LRBA: variants seen among roughly 807,000 people sequenced by gnomAD.
LRBA encodes the protein lipopolysaccharide-responsive and beige-like anchor protein.
A neutral mutation model predicts 330.0 loss-of-function variants in LRBA; 176 were observed. The ratio of observed to expected loss-of-function variants is 0.53; its 90% confidence interval spans 0.47 to 0.60. The LOEUF is 0.60. Ranked by LOEUF, LRBA falls within the 20% of genes least tolerant of loss-of-function variation. LRBA has a pLI of 0.00. For missense variants in LRBA, 3,259 were observed against 3,444.8 expected, an observed-to-expected ratio of 0.95 and a Z score of 1.35; for synonymous variants, 1,230 against 1,193.0, an observed-to-expected ratio of 1.03 and a Z score of -0.64.
chr4:150,438,903 T>C (rs546107054), intron 44 of LRBA, among the ~76,000 whole-genome samples: 62 of 152,282 alleles, frequency 4.1e-4, no homozygotes, highest in African/African-American at 1.5e-3. Flanking sequence ...TTTAAAAATC[T>C]TTAATTACCA....
chr4:150,315,294 G>A, intron 51 of LRBA: 1 of 524,444 alleles, frequency 1.9e-6, no homozygotes. Context: ...AGTACTTCAT[G>A]CGCATTCTCA....
intron 49 of LRBA, among the ~76,000 whole-genome samples, chr4:150,325,512 C>T (rs1324099003): frequency 1.3e-5 from 2 of 152,096 alleles, no homozygotes. Flanking sequence ...GTCATCAACC[C>T]TATGTCTGGA....
At chr4:150,878,376 CTAA>C (rs774368343) in intron 17 of LRBA, among the ~76,000 whole-genome samples, 17 of 151,760 alleles carry the variant, frequency 1.1e-4, no homozygotes, top group Non-Finnish European at 2.1e-4. Flanking sequence ...CACTAATGGC[CTAA>C]GTCAAAAAGC....
At chr4:150,825,139 A>T (rs1746038335) in intron 30 of LRBA, among the ~76,000 whole-genome samples, 1 of 152,180 alleles carries the variant, frequency 6.6e-6, no homozygotes. Flanking sequence ...ACTTACAAAC[A>T]CAAACACTTA....
intron 56 of LRBA, among the ~76,000 whole-genome samples, chr4:150,268,189 A>G (rs1009683748): frequency 1.3e-5 from 2 of 152,364 alleles, no homozygotes; most frequent in East Asian, 3.9e-4. Flanking sequence ...GGCAACCTAG[A>G]TGAAATAGAC....
intron 28 of LRBA, 27 bp downstream of exon 28, chr4:150,844,073 G>T (rs1444697226): frequency 1.5e-6 from 2 of 1,344,686 alleles, no homozygotes; most frequent in Non-Finnish European, 2.1e-6. Context: ...AGTTAAGAGA[G>T]TATGTGAAAG....
intron 35 of LRBA, among the ~76,000 whole-genome samples, chr4:150,744,066 T>C (rs1732374018): frequency 1.3e-5 from 2 of 152,098 alleles, no homozygotes; most frequent in African/African-American, 4.8e-5. Flanking sequence ...ATCAGGGTAT[T>C]TTTTTTCAAA....
chr4:150,411,056 A>C (rs1746924649), intron 47 of LRBA, among the ~76,000 whole-genome samples: 1 of 152,160 alleles, frequency 6.6e-6, no homozygotes, highest in South Asian at 2.1e-4. Flanking sequence ...TTCCTAGTTC[A>C]GGTAATAGTA....
At chr4:150,337,259 T>A (rs1452453860) in intron 48 of LRBA, among the ~76,000 whole-genome samples, 2 of 152,186 alleles carry the variant, frequency 1.3e-5, no homozygotes, top group African/African-American at 4.8e-5. Flanking sequence ...CAGGGGTTCA[T>A]GACAAAAGTC....
At chr4:150,383,551 A>G (rs1581167343) in intron 47 of LRBA, among the ~76,000 whole-genome samples, 1 of 152,142 alleles carries the variant, frequency 6.6e-6, no homozygotes, top group Non-Finnish European at 1.5e-5. Context: ...CTGCACCCCC[A>G]ATTTTGTATA....
chr4:150,854,044 T>C (rs1156649612), intron 22 of LRBA, among the ~76,000 whole-genome samples: 4 of 152,114 alleles, frequency 2.6e-5, no homozygotes, highest in Non-Finnish European at 4.4e-5. Context: ...CACAAGAGTA[T>C]ACACACAGAT....
At chr4:150,325,480 C>T (rs1733122870) in intron 49 of LRBA, among the ~76,000 whole-genome samples, 1 of 152,108 alleles carries the variant, frequency 6.6e-6, no homozygotes, top group African/African-American at 2.4e-5. Flanking sequence ...AATCTAGAAA[C>T]TCAGAGAATC....
At chr4:150,496,997 T>C (rs962750053) in intron 40 of LRBA, among the ~76,000 whole-genome samples, 5 of 151,956 alleles carry the variant, frequency 3.3e-5, no homozygotes, top group Non-Finnish European at 7.4e-5. Context: ...CACTTTAATA[T>C]GGAAAAACTA....
At chr4:150,559,875 TTA>T (rs1647204200) in intron 40 of LRBA, among the ~76,000 whole-genome samples, 1 of 18,726 alleles carries the variant, frequency 5.3e-5, no homozygotes, top group East Asian at 1.2e-3. Flanking sequence ...TAATATATAA[TTA>T]TATATAATTA....
In LRBA at chr4:150,577,420, TA is replaced by T. The variant is rs35865758; in HGVS notation, c.6330+10627del. On this transcript the variant is annotated intron_variant, in intron 40 of 56. Transcript: ENST00000651943. The stretch of plus-strand genomic sequence containing the variant: ...AAATAAAAATCAATGTTCATTTTTT[TA>T]AAAAAAAAAAGCATTTTCATAAGTA... 3.9e-3 allele frequency among the ~76,000 whole-genome samples: 581 copies of T among 148,920 alleles called. 7 individuals are homozygous for T. The highest frequency in any genetic ancestry group is 0.011 in the African/African-American group (439 of 40,718).
chr4:150,725,568 T>C (rs1200704226), intron 36 of LRBA, among the ~76,000 whole-genome samples: 1 of 152,206 alleles, frequency 6.6e-6, no homozygotes, highest in South Asian at 2.1e-4. Context: ...ACCAGGCGTG[T>C]CCTAAAAGAA....
chr4:150,907,615 TTCAAAATGAGAGAA>T (rs1316297528), intron 11 of LRBA, among the ~76,000 whole-genome samples: 2 of 152,040 alleles, frequency 1.3e-5, no homozygotes, highest in Non-Finnish European at 2.9e-5. Flanking sequence ...AAGGGAGAAT[TTCAAAATGAGAGAA>T]TGTAAAAGTA....
chr4:150,662,659 T>A (rs1196894932), intron 37 of LRBA, among the ~76,000 whole-genome samples: 1 of 152,126 alleles, frequency 6.6e-6, no homozygotes, highest in Non-Finnish European at 1.5e-5. Context: ...AAGATGAGTA[T>A]ATTTCACTCC....
Position 150,735,265 on chromosome 4 carries a change from T to C in LRBA, c.5747A>G (p.Glu1916Gly), listed in dbSNP as rs759273756. 7.4e-6 allele frequency: 12 copies of C among 1,612,408 alleles called. No individual in the cohort carries two copies. The highest frequency in any genetic ancestry group is 9.3e-6 in the Non-Finnish European group (11 of 1,178,668). The change falls in exon 36 of 57, where the codon GAA becomes GGA. Residue 1916 changes from glutamate to glycine, a missense_variant. Coordinates refer to ENST00000651943, the MANE Select transcript of LRBA (RefSeq NM_001364905.1). ...ACCATATGTGTAACCTACCTCAAAT[T>C]CCGCATGTCTGTGAATATCTTCTGC... ...QRAEDIHRHA[E>G]FESLCAQYSA...
Sources: allele counts gnomAD v4.1 joint callset (sites outside exome capture counted in the v4.1 genomes callset), GRCh38; gene constraint gnomAD v4.1.1; transcripts MANE v1.5; gene names NCBI Gene and HGNC (gene_info 2026-07-23, HGNC 2026-07-21).